The following TRIM24 variants were observed in gnomAD, a reference collection of about 807,000 sequenced individuals.
TRIM24 encodes transcription intermediary factor 1-alpha.
Under a neutral mutation model 123.9 loss-of-function variants are expected in TRIM24, and 29 were observed. That is an observed-to-expected ratio of 0.23 (90% CI 0.17 to 0.32). TRIM24 has a LOEUF of 0.32. TRIM24 is among the 10% of genes least tolerant of loss of function. TRIM24 has a pLI of 1.00. For missense variants in TRIM24, 932 were observed against 1,295.3 expected (o/e 0.72, Z 4.31); for synonymous variants, 456 against 461.1 (o/e 0.99, Z 0.14).
At chr7:138,508,706 T>TGG (rs1242798785) in intron 2 of TRIM24, among the ~76,000 whole-genome samples, 1 of 26,944 alleles carries the variant, frequency 3.7e-5, no homozygotes, top group African/African-American at 1.2e-4. Flanking sequence ...CGCGCGTGTG[T>TGG]GCGTGTGTGT....
At chr7:138,557,697 T>C (rs1414493820) in intron 9 of TRIM24, among the ~76,000 whole-genome samples, 2 of 152,222 alleles carry the variant, frequency 1.3e-5, no homozygotes, top group East Asian at 1.9e-4. Flanking sequence ...ATTAGTTACA[T>C]TGAACTTTCT....
chr7:138,574,764 A>G (rs1797722375), intron 12 of TRIM24, among the ~76,000 whole-genome samples: 1 of 152,202 alleles, frequency 6.6e-6, no homozygotes, highest in Admixed American at 6.5e-5. Flanking sequence ...TAAAGTTTAC[A>G]TTTATCCAAT....
At chr7:138,549,918 G>C (rs1466977249) in intron 7 of TRIM24, among the ~76,000 whole-genome samples, 1 of 152,150 alleles carries the variant, frequency 6.6e-6, no homozygotes, top group Non-Finnish European at 1.5e-5. Flanking sequence ...TGTAACAGGA[G>C]GGGATATTGA....
At chr7:138,521,899 C>T (rs1250955270) in intron 4 of TRIM24, among the ~76,000 whole-genome samples, 4 of 151,964 alleles carry the variant, frequency 2.6e-5, no homozygotes, top group East Asian at 1.9e-4. Context: ...TATAAACTTA[C>T]AAAAAAATGA....
chr7:138,502,825 TG>T (rs1796070443), intron 1 of TRIM24, among the ~76,000 whole-genome samples: 1 of 152,228 alleles, frequency 6.6e-6, no homozygotes, highest in African/African-American at 2.4e-5. Flanking sequence ...ATTTTGTTCA[TG>T]GTAATATTTT....
intron 1 of TRIM24, among the ~76,000 whole-genome samples, chr7:138,488,215 C>A (rs1163211883): frequency 1.3e-5 from 2 of 151,154 alleles, no homozygotes; most frequent in East Asian, 3.9e-4. Flanking sequence ...TTTATTGCAT[C>A]TATTTGATTC....
At chr7:138,555,158 G>A (rs1366744531) in intron 9 of TRIM24, among the ~76,000 whole-genome samples, 192 bp downstream of exon 9, 2 of 152,166 alleles carry the variant, frequency 1.3e-5, no homozygotes, top group African/African-American at 4.8e-5. Flanking sequence ...GGTTTATTGA[G>A]TTGATAAATC....
At chr7:138,573,418 A>ATTAAG in intron 11 of TRIM24, 89 bp from the exon 12 acceptor site, 2 of 1,129,196 alleles carry the variant, frequency 1.8e-6, no homozygotes, top group Non-Finnish European at 2.3e-6. Context: ...GATAATAATT[A>ATTAAG]TTAAGTTATT....
intron 9 of TRIM24, among the ~76,000 whole-genome samples, chr7:138,556,935 G>A (rs558206743): frequency 6.6e-6 from 1 of 152,236 alleles, no homozygotes; most frequent in Non-Finnish European, 1.5e-5. Context: ...AAAACTCGTG[G>A]TACAGGCAAG....
intron 15 of TRIM24, among the ~76,000 whole-genome samples, chr7:138,580,265 C>A (rs1042810650): frequency 1.3e-5 from 2 of 151,998 alleles, no homozygotes; most frequent in African/African-American, 4.8e-5. Flanking sequence ...TTCAATTATG[C>A]CCTAGATATG....
intron 1 of TRIM24, among the ~76,000 whole-genome samples, chr7:138,482,115 C>CT (rs948542199): frequency 3.3e-5 from 5 of 151,940 alleles, no homozygotes; most frequent in South Asian, 2.1e-4. Context: ...CAGGGCCACA[C>CT]TTTTTTTTCC....
At chr7:138,531,464 G>A (rs536416599) in intron 6 of TRIM24, among the ~76,000 whole-genome samples, 566 of 150,586 alleles carry the variant, frequency 3.8e-3, no homozygotes, top group African/African-American at 0.012. Flanking sequence ...GAGAACATGC[G>A]GTGTTTGGTT....
intron 11 of TRIM24, 22 bp downstream of exon 11, chr7:138,571,025 A>G: frequency 6.2e-7 from 1 of 1,612,512 alleles, no homozygotes; most frequent in South Asian, 1.1e-5. Flanking sequence ...CAAAATTTAT[A>G]CTAGCCTCTG....
chr7:138,462,868 A>AT (rs1226724778), intron 1 of TRIM24, among the ~76,000 whole-genome samples: 40 of 148,408 alleles, frequency 2.7e-4, no homozygotes, highest in South Asian at 8.6e-4. Flanking sequence ...TTATTTATTT[A>AT]TTTATTTATT....
intron 16 of TRIM24, 112 bp downstream of exon 16, chr7:138,580,806 A>G (rs1797878063): frequency 3.8e-6 from 4 of 1,052,180 alleles, no homozygotes; most frequent in Non-Finnish European, 3.8e-6. Context: ...TTTTTATTTA[A>G]GAGTATTTTT....
rs574134474 is a variant in TRIM24 at position 138,517,360 on chromosome 7, G to GTGTTTTGTTTTGTTTTGTTTTGTTT, written c.632-1827_632-1803dup. Among the ~76,000 whole-genome samples, 600 of 151,756 alleles carry GTGTTTTGTTTTGTTTTGTTTTGTTT rather than the reference G, an allele frequency of 4.0e-3. 5 individuals are homozygous for GTGTTTTGTTTTGTTTTGTTTTGTTT. Among genetic ancestry groups the GTGTTTTGTTTTGTTTTGTTTTGTTT allele is most frequent in the African/African-American group, 0.014 (587 of 41,318 alleles). On this transcript the variant is annotated intron_variant, in intron 3 of 18. Coordinates refer to ENST00000343526, the MANE Select transcript of TRIM24 (RefSeq NM_015905.3). ...GTTACCTTAGGGTTTTTGTGTGTGT[G>GTGTTTTGTTTTGTTTTGTTTTGTTT]TGTTTTGTTTTGTTTTGTTTTGTTT...
chr7:138,538,978 A>T (rs1053787245), intron 7 of TRIM24, among the ~76,000 whole-genome samples, 175 bp downstream of exon 7: 3 of 152,182 alleles, frequency 2.0e-5, no homozygotes, highest in Non-Finnish European at 4.4e-5. Context: ...GTGTAATTTC[A>T]GTTTTAATTT....
chr7:138,522,331 C>G (rs1465074792), intron 4 of TRIM24, among the ~76,000 whole-genome samples: 2 of 150,012 alleles, frequency 1.3e-5, no homozygotes, highest in Non-Finnish European at 3.0e-5. Flanking sequence ...AGCAAAACTC[C>G]ATCTCAAAAA....
intron 1 of TRIM24, chr7:138,491,390 T>G (rs1485446283): frequency 6.3e-6 from 1 of 159,666 alleles, no homozygotes; most frequent in Non-Finnish European, 1.4e-5. Flanking sequence ...CCTTCTGTCC[T>G]TGGGAGTTTG....
Sources: allele counts gnomAD v4.1 joint callset (sites outside exome capture counted in the v4.1 genomes callset), GRCh38; gene constraint gnomAD v4.1.1; transcripts MANE v1.5; gene names NCBI Gene and HGNC (gene_info 2026-07-23, HGNC 2026-07-21).